ACACA: variants seen among roughly 807,000 people sequenced by gnomAD.
ACACA encodes the protein acetyl-CoA carboxylase 1.
In ACACA, 103 loss-of-function variants were observed where a neutral mutation model predicts 296.1. That is an observed-to-expected ratio of 0.35 (90% CI 0.30 to 0.41). The LOEUF (loss-of-function observed/expected upper bound fraction) is 0.41. Among genes scored for constraint, ACACA ranks in the 10% least tolerant of loss-of-function variants. The pLI is 1.00. For synonymous variants in ACACA, 953 were observed against 1,038.6 expected (o/e 0.92, Z 1.58); for missense variants, 1,554 against 2,989.7 (o/e 0.52, Z 11.20).
intron 1 of ACACA, among the ~76,000 whole-genome samples, chr17:37,378,337 A>G (rs370355959): frequency 6.6e-4 from 100 of 152,360 alleles, no homozygotes; most frequent in African/African-American, 2.3e-3. Flanking sequence ...TGAAGAAGTT[A>G]ACTAAAAGGA....
chr17:37,232,546 A>G (rs2079910934), intron 25 of ACACA, among the ~76,000 whole-genome samples: 1 of 152,162 alleles, frequency 6.6e-6, no homozygotes, highest in Non-Finnish European at 1.5e-5. Flanking sequence ...CAAAGAGGAA[A>G]AGAGGAAGAC....
chr17:37,225,787 G>A (rs1480218408), intron 26 of ACACA, among the ~76,000 whole-genome samples: 1 of 152,202 alleles, frequency 6.6e-6, no homozygotes, highest in East Asian at 1.9e-4. Context: ...CCTTGTCAAT[G>A]CCCATGCACT....
chr17:37,260,292 ATATATTTTTTT>A (rs1326153943), intron 11 of ACACA, among the ~76,000 whole-genome samples: 5 of 16,488 alleles, frequency 3.0e-4, no homozygotes, highest in African/African-American at 7.1e-4. Flanking sequence ...ATATATATAT[ATATATTTTTTT>A]TTTTTTTTTT....
Position 37,174,001 on chromosome 17 carries a change from TATATATATA to T in ACACA, c.5079+5250_5079+5258del, listed in dbSNP as rs2076995265. On this transcript the variant is annotated intron_variant, in intron 41 of 55. Transcript: ENST00000616317. ...GCTAATTTATATATATATATATATA[TATATATATA>T]TATATATATATTTTTTTTTTTTTTT... Among the ~76,000 whole-genome samples the T allele has an allele frequency of 5.3e-3, 64 of 12,006 alleles. 3 individuals are homozygous for T. Among genetic ancestry groups the T allele is most frequent in the African/African-American group, 0.027 (61 of 2,224 alleles). 7.9% of individuals were successfully genotyped at this position (12,006 alleles called of 152,430 possible). A position where few individuals can be genotyped will look rare whatever the true frequency, so the allele number is the denominator to read the frequency against.
intron 3 of ACACA, among the ~76,000 whole-genome samples, chr17:37,312,758 G>A (rs1260023000): frequency 1.3e-5 from 2 of 152,090 alleles, no homozygotes; most frequent in African/African-American, 4.8e-5. Flanking sequence ...TGGGCCCGGT[G>A]GCTCACACCT....
chr17:37,328,193 G>A (rs1227735544), intron 3 of ACACA, among the ~76,000 whole-genome samples: 1 of 152,200 alleles, frequency 6.6e-6, no homozygotes, highest in Non-Finnish European at 1.5e-5. Context: ...CAGGATATGA[G>A]TTTGAATCCA....
At chr17:37,203,640 G>A (rs1416082560) in intron 33 of ACACA, among the ~76,000 whole-genome samples, 1 of 152,088 alleles carries the variant, frequency 6.6e-6, no homozygotes. Flanking sequence ...CTACTCAGGA[G>A]TCTGAGGCAG....
At chr17:37,189,601 A>G (rs953909937) in intron 38 of ACACA, among the ~76,000 whole-genome samples, 17 of 152,198 alleles carry the variant, frequency 1.1e-4, no homozygotes, top group African/African-American at 4.1e-4. Context: ...GGGTGGTTAG[A>G]ATGAAAGCAG....
Position 37,278,040 on chromosome 17 carries a change from A to T in ACACA, c.611-35T>A, listed in dbSNP as rs374353681. 6.6e-6 allele frequency: 10 copies of T among 1,517,762 alleles called. No homozygotes were observed. In the East Asian group the frequency reaches 1.4e-4, roughly 21 times the overall value. The allele number at this position is 1,517,762 out of a possible 1,614,324, so 94.0% of individuals were successfully genotyped here. On this transcript the variant is annotated intron_variant, in intron 5 of 55. Transcript: ENST00000616317. ...CAAGCGAATTAATAGAGAACACATG[A>T]TTTTTTTTTCCAGAAATATAATTGC...
intron 3 of ACACA, among the ~76,000 whole-genome samples, chr17:37,303,109 T>C (rs996081400): frequency 2.0e-5 from 3 of 152,142 alleles, no homozygotes; most frequent in African/African-American, 7.2e-5. Context: ...TAGAACATTT[T>C]TATTACCTCC....
At chr17:37,238,162 G>A (rs2080204538) in intron 24 of ACACA, among the ~76,000 whole-genome samples, 1 of 152,000 alleles carries the variant, frequency 6.6e-6, no homozygotes, top group African/African-American at 2.4e-5. Context: ...TTCCTATCCT[G>A]AGGTTATAAC....
intron 2 of ACACA, among the ~76,000 whole-genome samples, chr17:37,334,193 C>T (rs916141661): frequency 5.3e-5 from 8 of 151,992 alleles, no homozygotes; most frequent in East Asian, 1.9e-4. Flanking sequence ...ACTAAGAATC[C>T]GAAACTCTCC....
intron 55 of ACACA, 110 bp from the exon 56 acceptor site, chr17:37,087,549 TTA>T (rs2142430489): frequency 7.6e-7 from 1 of 1,319,588 alleles, no homozygotes; most frequent in East Asian, 2.4e-5. Flanking sequence ...TGCAGACATT[TTA>T]GTCACGCCTC....
intron 26 of ACACA, 29 bp downstream of exon 26, chr17:37,226,310 C>T: frequency 6.4e-7 from 1 of 1,554,592 alleles, no homozygotes; most frequent in Non-Finnish European, 8.9e-7. Flanking sequence ...AGCCATCCCT[C>T]CTTTAAGAAA....
Position 37,291,143 on chromosome 17 carries a change from T to TACACACACACACACACACACACAC in ACACA, c.339-6197_339-6174dup, listed in dbSNP as rs71159701. On this transcript the variant is annotated intron_variant, in intron 3 of 55. Transcript: ENST00000616317. ...CTAATGATAGCTGATGAAAAACACA[T>TACACACACACACACACACACACAC]ACACACACACACACACACACACACA... Among the ~76,000 whole-genome samples the TACACACACACACACACACACACAC allele has an allele frequency of 3.1e-3, 421 of 136,936 alleles. 7 individuals are homozygous for TACACACACACACACACACACACAC. Among genetic ancestry groups the TACACACACACACACACACACACAC allele is most frequent in the East Asian group, 0.031 (144 of 4,702 alleles). The allele number at this position is 136,936 out of a possible 152,430, so 89.8% of individuals were successfully genotyped here.
At chr17:37,353,960 T>C (rs2049021352) in intron 1 of ACACA, among the ~76,000 whole-genome samples, 1 of 151,992 alleles carries the variant, frequency 6.6e-6, no homozygotes, top group African/African-American at 2.4e-5. Context: ...ATTAAAAAAT[T>C]AGCTAGGCAT....
intron 29 of ACACA, among the ~76,000 whole-genome samples, chr17:37,217,005 G>A (rs1215648321): frequency 1.1e-4 from 16 of 151,976 alleles, no homozygotes; most frequent in Admixed American, 9.8e-4. Flanking sequence ...GCTCACGCTC[G>A]TAATCCCAGC....
intron 1 of ACACA, among the ~76,000 whole-genome samples, chr17:37,405,931 A>G (rs989757548): frequency 3.4e-5 from 5 of 147,342 alleles, no homozygotes; most frequent in African/African-American, 1.3e-4. Context: ...TCACACAGGC[A>G]TAAAGTGTAA....
intron 50 of ACACA, among the ~76,000 whole-genome samples, chr17:37,120,060 A>G (rs1192493528): frequency 2.0e-5 from 3 of 150,296 alleles, no homozygotes; most frequent in Admixed American, 1.3e-4. Flanking sequence ...CATCTGGCTA[A>G]TTTTGTATTT....
Sources: allele counts gnomAD v4.1 joint callset (sites outside exome capture counted in the v4.1 genomes callset), GRCh38; gene constraint gnomAD v4.1.1; transcripts MANE v1.5; gene names NCBI Gene and HGNC (gene_info 2026-07-23, HGNC 2026-07-21).